The following SPECC1 variants were observed in gnomAD, a reference collection of about 807,000 sequenced individuals.
SPECC1 encodes the protein cytospin-B.
A neutral mutation model predicts 104.1 loss-of-function variants in SPECC1; 62 were observed. That is an observed-to-expected ratio of 0.60 (90% CI 0.49 to 0.74). The LOEUF is 0.74. SPECC1 is among the 30% of genes least tolerant of loss of function. The pLI is 0.00. For synonymous variants in SPECC1, 513 were observed against 501.6 expected, an observed-to-expected ratio of 1.02 and a Z score of -0.30; for missense variants, 1,306 against 1,310.5, an observed-to-expected ratio of 1.00 and a Z score of 0.05.
intron 13 of SPECC1, among the ~76,000 whole-genome samples, chr17:20,304,449 A>G (rs1407977933): frequency 6.6e-6 from 1 of 152,212 alleles, no homozygotes; most frequent in Non-Finnish European, 1.5e-5. Flanking sequence ...TCTTAGGTTC[A>G]TCTAGATGAA....
intron 3 of SPECC1, among the ~76,000 whole-genome samples, chr17:20,167,835 AATAAG>A (rs1426812722): frequency 1.3e-5 from 2 of 152,246 alleles, no homozygotes; most frequent in African/African-American, 4.8e-5. Flanking sequence ...CAGAGGATAT[AATAAG>A]ATATGTACAG....
intron 11 of SPECC1, among the ~76,000 whole-genome samples, chr17:20,259,538 C>G (rs527524265): frequency 6.6e-6 from 1 of 152,074 alleles, no homozygotes; most frequent in African/African-American, 2.4e-5. Flanking sequence ...TGGGGTCTTG[C>G]TCTGTTGCCC....
intron 4 of SPECC1, among the ~76,000 whole-genome samples, chr17:20,219,829 G>A (rs1017978359): frequency 6.6e-6 from 1 of 152,088 alleles, no homozygotes; most frequent in East Asian, 1.9e-4. Context: ...TTAGATGTAA[G>A]TCTTTAATCC....
intron 1 of SPECC1, among the ~76,000 whole-genome samples, chr17:20,018,927 G>A (rs978876444): frequency 9.2e-5 from 14 of 152,130 alleles, no homozygotes; most frequent in Non-Finnish European, 1.3e-4. Flanking sequence ...CACATTCCAC[G>A]CTACCTGAAG....
At chr17:20,281,058 C>T (rs1029085595) in intron 12 of SPECC1, among the ~76,000 whole-genome samples, 5 of 152,154 alleles carry the variant, frequency 3.3e-5, no homozygotes, top group Admixed American at 6.5e-5. Flanking sequence ...CGGACATTCT[C>T]GTTTGCCAGG....
At chr17:20,236,369 C>T (rs1247858322) in intron 7 of SPECC1, among the ~76,000 whole-genome samples, 5 of 148,040 alleles carry the variant, frequency 3.4e-5, no homozygotes, top group African/African-American at 2.6e-5. Context: ...TGACATTAGA[C>T]ACACAGTCTA....
intron 2 of SPECC1, among the ~76,000 whole-genome samples, chr17:20,108,809 A>T (rs2048349395): frequency 1.3e-5 from 2 of 152,166 alleles, no homozygotes; most frequent in Admixed American, 1.3e-4. Context: ...TTGGGTGCGG[A>T]TCTAGGAATG....
intron 3 of SPECC1, among the ~76,000 whole-genome samples, chr17:20,125,136 C>G (rs1029100953): frequency 2.6e-5 from 4 of 152,038 alleles, no homozygotes; most frequent in Non-Finnish European, 5.9e-5. Flanking sequence ...GCCGAGATCG[C>G]GCCACTGCAC....
Position 20,020,160 on chromosome 17 carries a change from G to C in SPECC1, c.-22+10736G>C, listed in dbSNP as rs1381272158. ...ATAAAACACCACGCTGACATTACCT[G>C]TTTGAGTTGTCTGAGTTCTGTCTGC... On this transcript the variant is annotated intron_variant, in intron 1 of 14. Coordinates refer to ENST00000395527, the MANE Select transcript of SPECC1 (RefSeq NM_001243439.2). 2.6e-5 allele frequency among the ~76,000 whole-genome samples: 4 copies of C among 152,128 alleles called. No homozygotes were observed. In the South Asian group the frequency reaches 8.3e-4, roughly 32 times the overall value.
intron 1 of SPECC1, 121 bp from the exon 2 acceptor site, chr17:20,096,510 C>T: frequency 1.7e-6 from 2 of 1,162,752 alleles, no homozygotes; most frequent in East Asian, 4.8e-5. Context: ...CCAGCCAAAT[C>T]ATAGGTGCTC....
intron 1 of SPECC1, among the ~76,000 whole-genome samples, chr17:20,059,566 C>A (rs950184655): frequency 4.2e-5 from 2 of 48,154 alleles, no homozygotes; most frequent in African/African-American, 1.3e-4. Flanking sequence ...AGTGCAACTT[C>A]TTCTACTCTA....
intron 1 of SPECC1, among the ~76,000 whole-genome samples, chr17:20,059,183 T>G (rs867202783): frequency 3.3e-5 from 5 of 151,996 alleles, no homozygotes; most frequent in Non-Finnish European, 5.9e-5. Flanking sequence ...TAATATAGAA[T>G]GAAATAATGA....
intron 1 of SPECC1, among the ~76,000 whole-genome samples, chr17:20,015,949 C>T (rs888166165): frequency 7.4e-5 from 11 of 148,938 alleles, no homozygotes; most frequent in Non-Finnish European, 1.5e-4. Context: ...CAGTGGCTCA[C>T]GTCTGTAATC....
At chr17:20,232,167 G>C in intron 6 of SPECC1, 33 bp from the exon 7 acceptor site, 26 of 1,612,004 alleles carry the variant, frequency 1.6e-5, no homozygotes, top group Non-Finnish European at 2.2e-5. Context: ...CCTGGCAGGC[G>C]TCTGACATAA....
chr17:20,140,631 G>A (rs1159083875), intron 3 of SPECC1, among the ~76,000 whole-genome samples: 1 of 152,178 alleles, frequency 6.6e-6, no homozygotes, highest in Non-Finnish European at 1.5e-5. Context: ...CACATGATGG[G>A]AGCATGAGTG....
At chr17:20,038,397 G>T (rs6587210) in intron 1 of SPECC1, among the ~76,000 whole-genome samples, 2,266 of 129,674 alleles carry the variant, frequency 0.017, 73 homozygotes, top group African/African-American at 0.059. Context: ...CACAAATTTT[G>T]ATATTCTTTT....
At chr17:20,189,212 T>C (rs1337849685) in intron 3 of SPECC1, among the ~76,000 whole-genome samples, 2 of 152,212 alleles carry the variant, frequency 1.3e-5, no homozygotes. Context: ...TCTCAGTGTT[T>C]GGTGCCTGGA....
chr17:20,258,156 G>A (rs2039900189), intron 11 of SPECC1, among the ~76,000 whole-genome samples: 2 of 152,322 alleles, frequency 1.3e-5, no homozygotes, highest in Middle Eastern at 6.8e-3. Context: ...CACCAAGTTT[G>A]TGGGATTTTG....
chr17:20,145,531 A>T (rs1419526821), intron 3 of SPECC1, among the ~76,000 whole-genome samples: 1 of 152,176 alleles, frequency 6.6e-6, no homozygotes, highest in African/African-American at 2.4e-5. Flanking sequence ...TGGCAACCTC[A>T]AACCGAGGAC....
Sources: gnomAD v4.1 joint callset for allele counts (sites outside exome capture counted in the v4.1 genomes callset) on GRCh38, gnomAD v4.1.1 for gene constraint, MANE v1.5 for transcripts, NCBI Gene and HGNC (gene_info 2026-07-23, HGNC 2026-07-21) for gene names.